BRINP3: variants seen among roughly 807,000 people sequenced by gnomAD.
BRINP3 encodes BMP/retinoic acid-inducible neural-specific protein 3.
A neutral mutation model predicts 71.0 loss-of-function variants in BRINP3; 19 were observed. The observed-to-expected ratio is 0.27, with a 90% confidence interval of 0.19 to 0.39. BRINP3 has a LOEUF of 0.39. BRINP3 is among the 10% of genes least tolerant of loss of function. The probability of loss-of-function intolerance (pLI) is 1.00; values close to 1 mark genes in which losing one functional copy is unlikely to be tolerated. For synonymous variants in BRINP3, 380 were observed against 337.7 expected (o/e 1.13, Z -1.37); for missense variants, 959 against 940.8 (o/e 1.02, Z -0.25).
At chr1:190,451,009 C>T (rs1457251664) in intron 2 of BRINP3, among the ~76,000 whole-genome samples, 2 of 152,064 alleles carry the variant, frequency 1.3e-5, no homozygotes, top group Non-Finnish European at 2.9e-5. Context: ...ACATTCACCT[C>T]AATTGTCTCC....
At chr1:190,126,088 G>T (rs1322535037) in intron 7 of BRINP3, among the ~76,000 whole-genome samples, 1 of 151,708 alleles carries the variant, frequency 6.6e-6, no homozygotes, top group African/African-American at 2.4e-5. Flanking sequence ...TAATTTAACT[G>T]GAATTGATTT....
intron 4 of BRINP3, among the ~76,000 whole-genome samples, chr1:190,259,925 G>C (rs1244982294): frequency 1.3e-5 from 2 of 151,812 alleles, no homozygotes; most frequent in African/African-American, 4.8e-5. Flanking sequence ...CTACTTGGGA[G>C]GCTGAGATAG....
chr1:190,168,972 T>C (rs2102489513), intron 6 of BRINP3, among the ~76,000 whole-genome samples: 1 of 152,326 alleles, frequency 6.6e-6, no homozygotes, highest in African/African-American at 2.4e-5. Context: ...AGATTCTCAT[T>C]GTATTCTGGG....
chr1:190,406,025 T>C (rs997468721), intron 2 of BRINP3, among the ~76,000 whole-genome samples: 2 of 152,242 alleles, frequency 1.3e-5, no homozygotes, highest in Non-Finnish European at 2.9e-5. Flanking sequence ...ACTTAAAATA[T>C]GACTTCCAAA....
intron 5 of BRINP3, among the ~76,000 whole-genome samples, chr1:190,229,496 C>CT (rs1300209908): frequency 1.6e-4 from 25 of 151,976 alleles, no homozygotes; most frequent in African/African-American, 4.3e-4. Flanking sequence ...TAAGAACAGA[C>CT]TAATATGTTG....
chr1:190,270,353 A>G (rs1661999516), intron 3 of BRINP3, among the ~76,000 whole-genome samples: 1 of 151,286 alleles, frequency 6.6e-6, no homozygotes, highest in Admixed American at 6.6e-5. Flanking sequence ...ATTTATAAAA[A>G]TAAAATTATA....
In BRINP3 at chr1:190,122,119, G is replaced by T. The variant is rs868517404; in HGVS notation, c.1185-22985C>A. 1.8e-4 allele frequency among the ~76,000 whole-genome samples: 27 copies of T among 152,170 alleles called. 1 individual carries two copies. The highest frequency in any genetic ancestry group is 1.5e-3 in the Admixed American group (23 of 15,262). ...AAGATATACCATCAACTTTAATTTG[G>T]TATGTATAATATTGAATCCTTCTCT... On this transcript the variant is annotated intron_variant, in intron 7 of 7. Transcript: ENST00000367462.
intron 6 of BRINP3, among the ~76,000 whole-genome samples, chr1:190,186,146 C>T (rs577906158): frequency 7.9e-5 from 12 of 152,016 alleles, no homozygotes; most frequent in African/African-American, 1.2e-4. Context: ...GAGGCCGAGA[C>T]GGGTGGATTA....
chr1:190,386,238 G>GA lies in BRINP3; in HGVS notation c.236+68416dup, dbSNP rs904142903. Among the ~76,000 whole-genome samples the GA allele has an allele frequency of 2.7e-4, 26 of 97,338 alleles. 1 individual carries two copies. Among genetic ancestry groups the GA allele is most frequent in the East Asian group, 6.0e-4 (2 of 3,340 alleles). The allele number at this position is 97,338 out of a possible 152,430, so 63.9% of individuals were successfully genotyped here. ...TAAAACTTAAAGTATAATAATAAAA[G>GA]AAAAAAAAACTTAAAAAAAAAATAA... On this transcript the variant is annotated intron_variant, in intron 2 of 7. Coordinates refer to ENST00000367462, the MANE Select transcript of BRINP3 (RefSeq NM_199051.3).
At chr1:190,223,983 G>A (rs1203235184) in intron 6 of BRINP3, among the ~76,000 whole-genome samples, 2 of 151,562 alleles carry the variant, frequency 1.3e-5, no homozygotes, top group Admixed American at 6.6e-5. Context: ...TATGCAAAAA[G>A]TACAAGAAAA....
chr1:190,298,563 G>C (rs897491746), intron 2 of BRINP3, among the ~76,000 whole-genome samples: 1 of 151,794 alleles, frequency 6.6e-6, no homozygotes, highest in Non-Finnish European at 1.5e-5. Flanking sequence ...TAAAAAATTG[G>C]TCTTGGGACT....
chr1:190,285,107 C>T (rs1203385254), intron 2 of BRINP3, among the ~76,000 whole-genome samples: 3 of 152,060 alleles, frequency 2.0e-5, no homozygotes, highest in African/African-American at 7.2e-5. Context: ...CTGTTATAAT[C>T]TTTATAAAGT....
At chr1:190,155,984 A>G (rs1656831459) in intron 7 of BRINP3, among the ~76,000 whole-genome samples, 1 of 152,126 alleles carries the variant, frequency 6.6e-6, no homozygotes, top group South Asian at 2.1e-4. Context: ...TGTAATCACT[A>G]TCTTGTGATG....
chr1:190,291,716 T>C (rs1273447687), intron 2 of BRINP3, among the ~76,000 whole-genome samples: 7 of 152,114 alleles, frequency 4.6e-5, no homozygotes, highest in African/African-American at 1.7e-4. Flanking sequence ...AGAACGTAAA[T>C]TGAAACAGCC....
rs537928136 is a variant in BRINP3, at chr1:190,289,021, AT to A, written c.237-7272del. 1.9e-4 allele frequency among the ~76,000 whole-genome samples: 29 copies of A among 151,376 alleles called. No individual in the cohort carries two copies. In the South Asian group the frequency reaches 3.7e-3, roughly 20 times the overall value. On this transcript the variant is annotated intron_variant, in intron 2 of 7. Coordinates refer to ENST00000367462, the MANE Select transcript of BRINP3 (RefSeq NM_199051.3). ...ACATCTACCTTAAATTAAACATTGG[AT>A]TTTTTTTTAAACCATGGATTATGTG...
At chr1:190,165,914 G>C (rs998569244) in intron 6 of BRINP3, among the ~76,000 whole-genome samples, 5 of 152,162 alleles carry the variant, frequency 3.3e-5, no homozygotes, top group Non-Finnish European at 4.4e-5. Flanking sequence ...CCTCCAGGGA[G>C]CACTACTAAT....
At chr1:190,113,944 T>C (rs1316972971) in intron 7 of BRINP3, among the ~76,000 whole-genome samples, 1 of 152,218 alleles carries the variant, frequency 6.6e-6, no homozygotes, top group Non-Finnish European at 1.5e-5. Context: ...GTCTACATTC[T>C]ACCTGAAGAC....
intron 2 of BRINP3, among the ~76,000 whole-genome samples, chr1:190,334,109 T>C (rs1667137076): frequency 6.6e-6 from 1 of 151,880 alleles, no homozygotes; most frequent in African/African-American, 2.4e-5. Flanking sequence ...AAAATTTGTT[T>C]AAATAATAAA....
intron 7 of BRINP3, among the ~76,000 whole-genome samples, chr1:190,104,501 C>CAT (rs1553240115): frequency 2.0e-5 from 3 of 151,314 alleles, no homozygotes; most frequent in Non-Finnish European, 4.4e-5. Context: ...ATTATAGCCA[C>CAT]TTTTTTTTTC....
Sources: gnomAD v4.1 joint callset for allele counts (sites outside exome capture counted in the v4.1 genomes callset) on GRCh38, gnomAD v4.1.1 for gene constraint, MANE v1.5 for transcripts, NCBI Gene and HGNC (gene_info 2026-07-23, HGNC 2026-07-21) for gene names.